The following CNTLN variants were observed in gnomAD, a reference collection of about 807,000 sequenced individuals.
CNTLN encodes the protein centlein.
CNTLN carries 212 observed loss-of-function variants against 180.0 expected under a neutral mutation model. The observed-to-expected ratio is 1.18, with a 90% CI of 1.05 to 1.32. CNTLN has a LOEUF of 1.32. Ranked by LOEUF, CNTLN falls within the 40% of genes most tolerant of loss-of-function variation. The probability of loss-of-function intolerance (pLI) is 0.00; values close to 1 mark genes in which losing one functional copy is unlikely to be tolerated. For missense variants in CNTLN, 2,095 were observed against 1,610.9 expected (o/e 1.30, Z -5.14); for synonymous variants, 722 against 563.1 (o/e 1.28, Z -3.99).
At chr9:17,399,433 C>G (rs1017297129) in intron 15 of CNTLN, among the ~76,000 whole-genome samples, 1 of 152,126 alleles carries the variant, frequency 6.6e-6, no homozygotes, top group Non-Finnish European at 1.5e-5. Context: ...ATGTATTTAG[C>G]CTGTCTGACT....
intron 7 of CNTLN, among the ~76,000 whole-genome samples, chr9:17,308,672 C>A (rs2132905238): frequency 6.6e-6 from 1 of 151,524 alleles, no homozygotes; most frequent in Admixed American, 6.6e-5. Context: ...TGGTCAATTC[C>A]AATTATATTG....
chr9:17,492,255 T>C (rs563249206), intron 25 of CNTLN, among the ~76,000 whole-genome samples: 1 of 151,506 alleles, frequency 6.6e-6, no homozygotes, highest in South Asian at 2.1e-4. Context: ...AGTTTTTTCT[T>C]GTAATTCCTT....
At chr9:17,486,023 A>G (rs1832872346) in intron 24 of CNTLN, among the ~76,000 whole-genome samples, 1 of 152,162 alleles carries the variant, frequency 6.6e-6, no homozygotes, top group Non-Finnish European at 1.5e-5. Context: ...ATGTCACACA[A>G]TCTTAAATCA....
At chr9:17,309,009 C>A in intron 7 of CNTLN, 49 bp from the exon 8 acceptor site, 1 of 1,272,558 alleles carries the variant, frequency 7.9e-7, no homozygotes, top group Non-Finnish European at 1.1e-6. Flanking sequence ...CACACAGACA[C>A]ATAGTTTTAT....
chr9:17,178,617 T>C (rs1269404285), intron 2 of CNTLN, among the ~76,000 whole-genome samples: 1 of 151,328 alleles, frequency 6.6e-6, no homozygotes. Context: ...GCACAGCAGC[T>C]GCTGGCCCAG....
intron 2 of CNTLN, among the ~76,000 whole-genome samples, chr9:17,165,067 T>C (rs1331192341): frequency 6.6e-6 from 1 of 151,748 alleles, no homozygotes; most frequent in Admixed American, 6.6e-5. Context: ...CTTGAACTCC[T>C]GACCTCGTGA....
chr9:17,494,411 T>G (rs1833335107), intron 25 of CNTLN, among the ~76,000 whole-genome samples: 1 of 152,144 alleles, frequency 6.6e-6, no homozygotes, highest in African/African-American at 2.4e-5. Flanking sequence ...ATGTGCAGGT[T>G]GTTATATAGG....
chr9:17,271,947 T>C (rs1276658654), intron 5 of CNTLN, among the ~76,000 whole-genome samples: 2 of 152,212 alleles, frequency 1.3e-5, no homozygotes, highest in African/African-American at 4.8e-5. Flanking sequence ...TCTATTTTAG[T>C]ATATTCTGTA....
intron 5 of CNTLN, among the ~76,000 whole-genome samples, chr9:17,243,784 A>G (rs550639993): frequency 1.3e-5 from 2 of 152,180 alleles, no homozygotes; most frequent in Non-Finnish European, 2.9e-5. Flanking sequence ...TGTATTTCGC[A>G]GCCATTGGAT....
At chr9:17,405,102 C>G (rs112481578) in intron 15 of CNTLN, among the ~76,000 whole-genome samples, 5,582 of 151,824 alleles carry the variant, frequency 0.037, 207 homozygotes, top group East Asian at 0.17. Flanking sequence ...TCAGTCCTCA[C>G]CTTACTTGAC....
intron 25 of CNTLN, among the ~76,000 whole-genome samples, chr9:17,498,571 G>A (rs1290621511): frequency 1.3e-5 from 2 of 152,166 alleles, no homozygotes; most frequent in African/African-American, 4.8e-5. Context: ...AACTTTGTCA[G>A]ATATCCCCGT....
intron 18 of CNTLN, among the ~76,000 whole-genome samples, chr9:17,419,279 C>A (rs1026683943): frequency 6.6e-6 from 1 of 152,038 alleles, no homozygotes; most frequent in African/African-American, 2.4e-5. Flanking sequence ...TATTCTAAAC[C>A]TATTTTGAAA....
intron 13 of CNTLN, among the ~76,000 whole-genome samples, chr9:17,382,641 T>G (rs1026312611): frequency 5.3e-5 from 8 of 152,198 alleles, no homozygotes; most frequent in African/African-American, 1.9e-4. Flanking sequence ...ACAAAAATTG[T>G]TCTAAAACCC....
At chr9:17,248,329 T>C (rs1040356865) in intron 5 of CNTLN, among the ~76,000 whole-genome samples, 1 of 152,022 alleles carries the variant, frequency 6.6e-6, no homozygotes, top group African/African-American at 2.4e-5. Flanking sequence ...TCTTCAGAAG[T>C]TGGGTAGAAT....
chr9:17,352,328 G>C (rs979831536), intron 12 of CNTLN, among the ~76,000 whole-genome samples: 1 of 149,304 alleles, frequency 6.7e-6, no homozygotes, highest in African/African-American at 2.5e-5. Context: ...TATTATCCTA[G>C]GAAAGTTCAG....
At chr9:17,381,311 T>C (rs1825235788) in intron 13 of CNTLN, among the ~76,000 whole-genome samples, 1 of 152,234 alleles carries the variant, frequency 6.6e-6, no homozygotes, top group African/African-American at 2.4e-5. Context: ...ACTTCCCAAA[T>C]TTCAATGGCC....
chr9:17,398,470 G>C (rs1826706547), intron 15 of CNTLN, among the ~76,000 whole-genome samples: 2 of 152,262 alleles, frequency 1.3e-5, no homozygotes, highest in South Asian at 4.1e-4. Context: ...CAAAGTCCTT[G>C]AGTGGTTATC....
rs868103412 is a variant in CNTLN, at chr9:17,266,980, G to C, written c.850-6753G>C. On this transcript the variant is annotated intron_variant, in intron 5 of 25. Transcript: ENST00000380647. ...TGAATACAGCACACTGATGGGTCTTGACTCTTTATCCAATTTGCCAGTCTG... is the reference window on the plus strand; with the variant it reads ...TGAATACAGCACACTGATGGGTCTTCACTCTTTATCCAATTTGCCAGTCTG... 1.8e-4 allele frequency among the ~76,000 whole-genome samples: 27 copies of C among 152,234 alleles called. 1 individual carries two copies. In the Middle Eastern group the frequency reaches 0.01, roughly 58 times the overall value.
At position 17,418,688 on chromosome 9, in the gene CNTLN, A is replaced by T. The variant is rs192731437; in HGVS notation, c.3114+2499A>T. 1.7e-3 allele frequency among the ~76,000 whole-genome samples: 259 copies of T among 151,768 alleles called. 1 individual carries two copies. The highest frequency in any genetic ancestry group is 6.0e-3 in the African/African-American group (248 of 41,450). The stretch of plus-strand genomic sequence containing the variant: ...ATCTTGTGATTTTAAAACCCTCAAC[A>T]TTTTTTTTATTCTAAAGTATTGAAT... On this transcript the variant is annotated intron_variant, in intron 18 of 25. Coordinates refer to ENST00000380647, the MANE Select transcript of CNTLN (RefSeq NM_017738.4).
Sources: allele counts gnomAD v4.1 joint callset (sites outside exome capture counted in the v4.1 genomes callset), GRCh38; gene constraint gnomAD v4.1.1; transcripts MANE v1.5; gene names NCBI Gene and HGNC (gene_info 2026-07-23, HGNC 2026-07-21).